DCBLD2: variants seen among roughly 807,000 people sequenced by gnomAD.
DCBLD2 encodes discoidin, CUB and LCCL domain-containing protein 2.
DCBLD2 carries 54 observed loss-of-function variants against 86.8 expected under a neutral mutation model. That is an observed-to-expected ratio of 0.62 (90% CI 0.50 to 0.78). The LOEUF is 0.78. Among genes scored for constraint, DCBLD2 ranks in the 30% least tolerant of loss-of-function variants. The probability of loss-of-function intolerance (pLI) is 0.00; values close to 1 mark genes in which losing one functional copy is unlikely to be tolerated. For missense variants in DCBLD2, 908 were observed against 954.2 expected, an observed-to-expected ratio of 0.95 and a Z score of 0.64; for synonymous variants, 354 against 341.3, an observed-to-expected ratio of 1.04 and a Z score of -0.41.
At chr3:98,839,102 C>CTTCTTTCT (rs148957784) in intron 3 of DCBLD2, among the ~76,000 whole-genome samples, 13,886 of 125,354 alleles carry the variant, frequency 0.11, 828 homozygotes, top group South Asian at 0.18. Flanking sequence ...CCTGTGCTCC[C>CTTCTTTCT]TTCTTTCTTT....
intron 5 of DCBLD2, 98 bp from the exon 6 acceptor site, chr3:98,822,459 T>C: frequency 6.9e-7 from 1 of 1,448,342 alleles, no homozygotes. Context: ...ATCTAGGCAG[T>C]TTCTTCATAA....
At chr3:98,829,601 A>T (rs1429156759) in intron 3 of DCBLD2, among the ~76,000 whole-genome samples, 1 of 152,174 alleles carries the variant, frequency 6.6e-6, no homozygotes, top group Non-Finnish European at 1.5e-5. Context: ...GCATAATCTC[A>T]TTCTTTTTTA....
At chr3:98,861,593 C>T (rs905299064) in intron 2 of DCBLD2, among the ~76,000 whole-genome samples, 12 of 152,278 alleles carry the variant, frequency 7.9e-5, no homozygotes, top group East Asian at 5.8e-4. Context: ...CGCTCAACAA[C>T]GTGGAAACTG....
intron 1 of DCBLD2, 104 bp downstream of exon 1, chr3:98,901,018 G>C (rs1576212233): frequency 6.6e-7 from 1 of 1,517,664 alleles, no homozygotes; most frequent in Non-Finnish European, 8.8e-7. Context: ...ACGCACGAAA[G>C]CGCACCGCGC....
chr3:98,841,594 CA>C (rs1390700582), intron 3 of DCBLD2, among the ~76,000 whole-genome samples: 3 of 152,060 alleles, frequency 2.0e-5, no homozygotes, highest in Non-Finnish European at 4.4e-5. Flanking sequence ...TGTAGGGTTG[CA>C]AAATATATTT....
rs142848883 is a variant in DCBLD2, at chr3:98,821,400, G to A, written c.830+828C>T. Among the ~76,000 whole-genome samples, 562 of 152,224 alleles carry A rather than the reference G, an allele frequency of 3.7e-3. 3 individuals carry two copies. The highest frequency in any genetic ancestry group is 0.013 in the African/African-American group (530 of 41,542). ...CTCTTGCTTTTGATGCCTACCCTAC[G>A]TTTTATAAAACAGTAGAACACTATA... On this transcript the variant is annotated intron_variant, in intron 6 of 15. Transcript: ENST00000326840.
At chr3:98,839,893 T>A (rs1402343012) in intron 3 of DCBLD2, among the ~76,000 whole-genome samples, 2 of 152,240 alleles carry the variant, frequency 1.3e-5, no homozygotes, top group Non-Finnish European at 2.9e-5. Context: ...ACTGTGAAGA[T>A]GACATTTAAG....
At chr3:98,886,181 A>T (rs1356013654) in intron 1 of DCBLD2, among the ~76,000 whole-genome samples, 2 of 152,040 alleles carry the variant, frequency 1.3e-5, no homozygotes, top group East Asian at 3.9e-4. Flanking sequence ...AATTTTTAAA[A>T]AAAGTAAAAG....
chr3:98,891,366 CTCAAATTTAACTAA>C (rs1246690181), intron 1 of DCBLD2, among the ~76,000 whole-genome samples: 2 of 152,040 alleles, frequency 1.3e-5, no homozygotes, highest in Non-Finnish European at 2.9e-5. Flanking sequence ...ACTTGGCTCT[CTCAAATTTAACTAA>C]TCATTATATT....
intron 2 of DCBLD2, among the ~76,000 whole-genome samples, chr3:98,859,695 A>C (rs145986287): frequency 5.9e-4 from 90 of 152,342 alleles, no homozygotes; most frequent in African/African-American, 2.0e-3. Context: ...AACAAACAGA[A>C]AGGACATCCA....
chr3:98,808,186 A>G lies in DCBLD2; in HGVS notation c.1577-12T>C, dbSNP rs759991123. The G allele has an allele frequency of 6.3e-7, 1 of 1,588,488 alleles. No individual in the cohort carries two copies. The highest frequency in any genetic ancestry group is 8.6e-7 in the Non-Finnish European group (1 of 1,168,788). ...AGCCAGCGCTACATCTGAAGTTACA[A>G]AGACAAAAACAGACAAACAAAAGCC... On this transcript the variant is annotated splice_polypyrimidine_tract_variant and intron_variant, in intron 12 of 15. Transcript: ENST00000326840.
In DCBLD2 at chr3:98,866,576, G is replaced by GT. The variant is rs199557251; in HGVS notation, c.433+14963dup. Among the ~76,000 whole-genome samples, 1,067 of 152,096 alleles carry GT rather than the reference G, an allele frequency of 7.0e-3. 8 individuals are homozygous for GT. Among genetic ancestry groups the GT allele is most frequent in the African/African-American group, 0.019 (797 of 41,496 alleles). The stretch of plus-strand genomic sequence containing the variant: ...GGGGTTGTTTTTTTCTTGTAAATTT[G>GT]TTTGAGTTCTTTGTAGATTCTCAAT... On this transcript the variant is annotated intron_variant, in intron 2 of 15. Coordinates refer to ENST00000326840, the MANE Select transcript of DCBLD2 (RefSeq NM_080927.4).
In DCBLD2 at chr3:98,796,469, G is replaced by T. The variant is rs1478135608; in HGVS notation, c.*2903C>A. ...GGTGACAATGCAGAGCCAGGGCAAA[G>T]GTGTTTAAGCTTTGTCACCTTCCAC... On this transcript the variant is annotated 3_prime_UTR_variant, in exon 16 of 16. Transcript: ENST00000326840. 2.6e-5 allele frequency: 4 copies of T among 152,634 alleles called. No homozygotes were observed. Among genetic ancestry groups the T allele is most frequent in the African/African-American group, 7.2e-5 (3 of 41,440 alleles). 9.5% of individuals were successfully genotyped at this position (152,634 alleles called of 1,614,324 possible).
Position 98,849,496 on chromosome 3 carries a change from C to T in DCBLD2, c.536G>A (p.Gly179Glu). 1 of 1,613,842 alleles carries T rather than the reference C, an allele frequency of 6.2e-7. No homozygotes were observed. The highest frequency in any genetic ancestry group is 8.5e-7 in the Non-Finnish European group (1 of 1,179,858). The change falls in exon 3 of 16, where the codon GGA becomes GAA. Residue 179 changes from glycine (G) to glutamate (E), a missense_variant. Transcript: ENST00000326840. Reference sequence around the variant, plus strand: ...TATAACAGAGTATGAGGCCAAAAATCCGCGTCCAGAAACATGGATTCCACT... The same window carrying T: ...TATAACAGAGTATGAGGCCAAAAATTCGCGTCCAGAAACATGGATTCCACT... Reference protein sequence around the residue: ...FMSGIHVSGRGFLASYSVIDK... With the variant: ...FMSGIHVSGREFLASYSVIDK...
chr3:98,820,231 G>T lies in DCBLD2; in HGVS notation c.871+17C>A. The T allele has an allele frequency of 7.0e-7, 1 of 1,419,144 alleles. No homozygotes were observed. The highest frequency in any genetic ancestry group is 9.2e-7 in the Non-Finnish European group (1 of 1,081,730). The allele number at this position is 1,419,144 out of a possible 1,614,324, so 87.9% of individuals were successfully genotyped here. On this transcript the variant is annotated intron_variant, in intron 7 of 15. Coordinates refer to ENST00000326840, the MANE Select transcript of DCBLD2 (RefSeq NM_080927.4). ...TATTATATAAATAAAAAATTATAAA[G>T]TCCATAAAAGGCTTACCACTTGTCT...
intron 1 of DCBLD2, among the ~76,000 whole-genome samples, chr3:98,886,100 T>C (rs974807262): frequency 6.6e-6 from 1 of 151,972 alleles, no homozygotes; most frequent in Admixed American, 6.6e-5. Flanking sequence ...AATGCTGTTC[T>C]ATTCACTAAG....
intron 3 of DCBLD2, among the ~76,000 whole-genome samples, chr3:98,837,076 G>A (rs1203596923): frequency 4.5e-5 from 1 of 22,354 alleles, no homozygotes; most frequent in Non-Finnish European, 9.5e-5. Flanking sequence ...CCTCCCGGAC[G>A]GGGCGGCTGG....
At chr3:98,836,898 G>A (rs1942471796) in intron 3 of DCBLD2, among the ~76,000 whole-genome samples, 1 of 79,726 alleles carries the variant, frequency 1.3e-5, no homozygotes. Context: ...CCTCCCGGAG[G>A]GGGCGGCTGG....
At chr3:98,882,131 G>C (rs553548194) in intron 1 of DCBLD2, among the ~76,000 whole-genome samples, 1 of 152,120 alleles carries the variant, frequency 6.6e-6, no homozygotes, top group African/African-American at 2.4e-5. Flanking sequence ...ACCTGACATT[G>C]TTCTTAGTAT....
Sources: gnomAD v4.1 joint callset for allele counts (sites outside exome capture counted in the v4.1 genomes callset) on GRCh38, gnomAD v4.1.1 for gene constraint, MANE v1.5 for transcripts, NCBI Gene and HGNC (gene_info 2026-07-23, HGNC 2026-07-21) for gene names.